DLGAP4: variants seen among roughly 807,000 people sequenced by gnomAD.
DLGAP4 encodes DLG associated protein 4, also known as disks large-associated protein 4.
DLGAP4 carries 18 observed loss-of-function variants against 86.9 expected under a neutral mutation model. The observed-to-expected ratio is 0.21, with a 90% CI of 0.14 to 0.31. The LOEUF is 0.31. Ranked by LOEUF, DLGAP4 falls within the 10% of genes least tolerant of loss-of-function variation. The pLI is 1.00. For synonymous variants in DLGAP4, 548 were observed against 574.3 expected, an observed-to-expected ratio of 0.95 and a Z score of 0.65; for missense variants, 1,085 against 1,362.6, an observed-to-expected ratio of 0.80 and a Z score of 3.21.
intron 7 of DLGAP4, chr20:36,462,371 C>T: frequency 7.2e-7 from 1 of 1,393,876 alleles, no homozygotes; most frequent in Non-Finnish European, 9.2e-7. Context: ...GCCCCCACAT[C>T]TGTCTCGGTG....
rs566956445 is a variant in DLGAP4, at chr20:36,391,644, C to T, written c.-73+24369C>T. ...CAGCTCTGCTTCCTGACTGGTGTCT[C>T]AGATGAGTCACTACCCAGCTCTGAG... On this transcript the variant is annotated intron_variant, in intron 2 of 12. Transcript: ENST00000339266. 6.6e-5 allele frequency among the ~76,000 whole-genome samples: 10 copies of T among 152,322 alleles called. No individual in the cohort carries two copies. The East Asian group carries it at 1.9e-3, about 29-fold the overall frequency.
chr20:36,395,328 G>A (rs1342311443), intron 2 of DLGAP4, among the ~76,000 whole-genome samples: 1 of 152,052 alleles, frequency 6.6e-6, no homozygotes, highest in Non-Finnish European at 1.5e-5. Flanking sequence ...AGGCTCTATG[G>A]GGGCAAGGAC....
chr20:36,402,459 A>T (rs964500060), intron 2 of DLGAP4, among the ~76,000 whole-genome samples: 2 of 152,160 alleles, frequency 1.3e-5, no homozygotes, highest in African/African-American at 4.8e-5. Flanking sequence ...TATCATCATC[A>T]TTACAGTAAT....
At chr20:36,397,362 A>G (rs2032030346) in intron 2 of DLGAP4, among the ~76,000 whole-genome samples, 1 of 152,210 alleles carries the variant, frequency 6.6e-6, no homozygotes, top group Non-Finnish European at 1.5e-5. Flanking sequence ...CAGAGCATGC[A>G]TTCAACTGAC....
chr20:36,455,097 TTCTC>T (rs1163911836), intron 7 of DLGAP4, among the ~76,000 whole-genome samples: 1 of 152,050 alleles, frequency 6.6e-6, no homozygotes, highest in Non-Finnish European at 1.5e-5. Context: ...CCTGCCTCTC[TTCTC>T]TCTATGCCTC....
Position 36,447,721 on chromosome 20 carries a change from C to G in DLGAP4, c.1648+784C>G, listed in dbSNP as rs143747608. Among the ~76,000 whole-genome samples, 703 of 152,028 alleles carry G rather than the reference C, an allele frequency of 4.6e-3. 7 individuals carry two copies. The highest frequency in any genetic ancestry group is 0.016 in the African/African-American group (656 of 41,454). On this transcript the variant is annotated intron_variant, in intron 7 of 12. Transcript: ENST00000339266. ...TAGGCGTGAGCTACCATGCCCAGCC[C>G]TGGATTCTTGTTCTAAATCATCTGA...
chr20:36,479,479 G>A (rs1306010296), intron 7 of DLGAP4, among the ~76,000 whole-genome samples: 1 of 152,170 alleles, frequency 6.6e-6, no homozygotes, highest in African/African-American at 2.4e-5. Context: ...AAATAGTGTG[G>A]TGGGCAAGGG....
chr20:36,388,825 G>C (rs1370291439), intron 2 of DLGAP4, among the ~76,000 whole-genome samples: 1 of 152,226 alleles, frequency 6.6e-6, no homozygotes, highest in Non-Finnish European at 1.5e-5. Context: ...TCTTCATGAT[G>C]CTCCTGGTCA....
chr20:36,362,274 G>T (rs1555894279), intron 1 of DLGAP4, among the ~76,000 whole-genome samples: 1 of 151,976 alleles, frequency 6.6e-6, no homozygotes, highest in Non-Finnish European at 1.5e-5. Context: ...AAAGAAAAAA[G>T]AAAAAAAGAT....
At chr20:36,341,412 C>G (rs2065378786) in intron 1 of DLGAP4, among the ~76,000 whole-genome samples, 1 of 152,220 alleles carries the variant, frequency 6.6e-6, no homozygotes, top group African/African-American at 2.4e-5. Flanking sequence ...CTGCCCCAAC[C>G]CCAGCCCCTA....
At chr20:36,515,626 T>A (rs189788865) in intron 10 of DLGAP4, among the ~76,000 whole-genome samples, 230 of 152,346 alleles carry the variant, frequency 1.5e-3, no homozygotes, top group African/African-American at 5.2e-3. Flanking sequence ...TCTCTCACTA[T>A]GTTGCCCAGG....
intron 7 of DLGAP4, chr20:36,461,730 T>TGTCTGTCC: frequency 1.2e-6 from 1 of 854,930 alleles, no homozygotes; most frequent in South Asian, 5.7e-5. Flanking sequence ...CCTCCCCGTC[T>TGTCTGTCC]GTCCGTCCGT....
intron 10 of DLGAP4, among the ~76,000 whole-genome samples, chr20:36,504,371 T>C (rs1009299148): frequency 3.9e-5 from 6 of 152,350 alleles, no homozygotes; most frequent in African/African-American, 1.2e-4. Context: ...TATGGCTGAC[T>C]AGTATTCCAT....
intron 1 of DLGAP4, among the ~76,000 whole-genome samples, chr20:36,326,173 T>C (rs2065214057): frequency 6.6e-6 from 1 of 152,186 alleles, no homozygotes; most frequent in Non-Finnish European, 1.5e-5. Context: ...ATACCAAAAT[T>C]TGCAGGATGC....
At chr20:36,325,308 A>C (rs2065205587) in intron 1 of DLGAP4, among the ~76,000 whole-genome samples, 4 of 152,114 alleles carry the variant, frequency 2.6e-5, no homozygotes, top group African/African-American at 9.7e-5. Flanking sequence ...AATTCCACTG[A>C]GATTATATAA....
intron 1 of DLGAP4, among the ~76,000 whole-genome samples, chr20:36,345,984 T>C (rs963461841): frequency 6.6e-6 from 1 of 152,186 alleles, no homozygotes; most frequent in South Asian, 2.1e-4. Flanking sequence ...CTCAAACTCC[T>C]GGCCTCAAGC....
At chr20:36,512,506 G>C (rs2147818362) in intron 10 of DLGAP4, 1 of 152,382 alleles carries the variant, frequency 6.6e-6, no homozygotes, top group South Asian at 2.1e-4. Flanking sequence ...TACTGTTGTA[G>C]CTTCTGGGGA....
chr20:36,519,526 G>T (rs564444175), intron 10 of DLGAP4, among the ~76,000 whole-genome samples: 1 of 152,192 alleles, frequency 6.6e-6, no homozygotes, highest in African/African-American at 2.4e-5. Context: ...TCTACCTTTT[G>T]GCTACTGTGA....
intron 2 of DLGAP4, among the ~76,000 whole-genome samples, chr20:36,392,863 A>G (rs528558658): frequency 1.3e-5 from 2 of 152,128 alleles, no homozygotes; most frequent in Non-Finnish European, 2.9e-5. Flanking sequence ...CCTGGGTGAC[A>G]TGGGAGTGAG....
Sources: allele counts gnomAD v4.1 joint callset (sites outside exome capture counted in the v4.1 genomes callset), GRCh38; gene constraint gnomAD v4.1.1; transcripts MANE v1.5; gene names NCBI Gene and HGNC (gene_info 2026-07-23, HGNC 2026-07-21).